Variants in INSC observed in about 807,000 individuals in gnomAD.
INSC encodes INSC spindle orientation adaptor protein.
Under a neutral mutation model 58.6 loss-of-function variants are expected in INSC, and 67 were observed. The observed-to-expected ratio is 1.14, with a 90% CI of 0.94 to 1.40. The LOEUF (loss-of-function observed/expected upper bound fraction) is 1.40. INSC is among the 40% of genes most tolerant of loss of function. The pLI, the probability that INSC is intolerant of heterozygous loss-of-function variation, is 0.00. For synonymous variants in INSC, 262 were observed against 276.1 expected (o/e 0.95, Z 0.51); for missense variants, 714 against 692.0 (o/e 1.03, Z -0.36).
At chr11:15,210,231 T>G (rs1337672297) in intron 7 of INSC, among the ~76,000 whole-genome samples, 1 of 152,222 alleles carries the variant, frequency 6.6e-6, no homozygotes, top group Non-Finnish European at 1.5e-5. Flanking sequence ...CAGGGAAGTT[T>G]TCTAATCCCT....
the INSC span, among the ~76,000 whole-genome samples, chr11:15,265,333 C>T: frequency 6.6e-6 from 1 of 151,944 alleles, no homozygotes; most frequent in Non-Finnish European, 1.5e-5. Flanking sequence ...TAAAGTCATG[C>T]TATCTTCTTA....
At chr11:15,222,047 T>C (rs16931247) in intron 8 of INSC, among the ~76,000 whole-genome samples, 17,241 of 152,054 alleles carry the variant, frequency 0.11, 2,046 homozygotes, top group African/African-American at 0.3. Flanking sequence ...ATGGCAGCAA[T>C]GACTGGGGAA....
intron 2 of INSC, among the ~76,000 whole-genome samples, chr11:15,158,641 T>C (rs1485755275): frequency 1.3e-5 from 2 of 152,148 alleles, no homozygotes; most frequent in East Asian, 3.9e-4. Flanking sequence ...TCTAGAGGCC[T>C]GGGTTTGAGT....
the INSC span, among the ~76,000 whole-genome samples, chr11:15,268,104 C>T: frequency 4.4e-4 from 67 of 152,106 alleles, no homozygotes; most frequent in South Asian, 1.5e-3. Flanking sequence ...TCAGATGGTA[C>T]AATCAGAGGT....
At chr11:15,230,009 ATATAAT>A (rs1317877520) in intron 9 of INSC, among the ~76,000 whole-genome samples, 1 of 26,636 alleles carries the variant, frequency 3.8e-5, no homozygotes, top group Non-Finnish European at 6.0e-5. Flanking sequence ...ATATATATAT[ATATAAT>A]ATATATATAT....
chr11:15,149,660 G>A (rs1396650545), intron 2 of INSC, among the ~76,000 whole-genome samples: 1 of 152,176 alleles, frequency 6.6e-6, no homozygotes, highest in African/African-American at 2.4e-5. Flanking sequence ...CAATGAGGGA[G>A]GGTGGGAAAG....
At chr11:15,190,597 T>C in intron 5 of INSC, 104 bp from the exon 6 acceptor site, 1 of 792,008 alleles carries the variant, frequency 1.3e-6, no homozygotes, top group South Asian at 1.4e-5. Flanking sequence ...AGGAGTAGAT[T>C]CCATGGTTGC....
At chr11:15,243,061 T>C (rs1207649276) in intron 12 of INSC, among the ~76,000 whole-genome samples, 1 of 152,192 alleles carries the variant, frequency 6.6e-6, no homozygotes, top group Non-Finnish European at 1.5e-5. Context: ...TTTTCCAGCA[T>C]TTTGTATATC....
At chr11:15,255,680 A>G in the INSC span, among the ~76,000 whole-genome samples, 1 of 151,902 alleles carries the variant, frequency 6.6e-6, no homozygotes, top group Non-Finnish European at 1.5e-5. Context: ...GCTATCAATA[A>G]CTGATAAAAA....
chr11:15,265,036 G>A, the INSC span, among the ~76,000 whole-genome samples: 36 of 152,178 alleles, frequency 2.4e-4, no homozygotes, highest in African/African-American at 7.7e-4. Context: ...CAGAAAAAAT[G>A]TGACCCAAGA....
intron 8 of INSC, among the ~76,000 whole-genome samples, chr11:15,222,360 T>C (rs556277545): frequency 2.0e-5 from 3 of 152,340 alleles, no homozygotes; most frequent in South Asian, 2.1e-4. Flanking sequence ...TCTGGCACTC[T>C]CTTTGTATCT....
intron 9 of INSC, among the ~76,000 whole-genome samples, chr11:15,232,435 T>C (rs1177932357): frequency 1.3e-5 from 2 of 152,232 alleles, no homozygotes; most frequent in Non-Finnish European, 2.9e-5. Context: ...TATTTACTTA[T>C]TTATTTAGAG....
At chr11:15,192,366 C>T (rs375972479) in intron 6 of INSC, among the ~76,000 whole-genome samples, 2 of 152,238 alleles carry the variant, frequency 1.3e-5, no homozygotes, top group South Asian at 2.1e-4. Flanking sequence ...AAAACTCTTA[C>T]TCAGCATTCC....
chr11:15,171,540 G>C (rs961338007), intron 2 of INSC, among the ~76,000 whole-genome samples: 4 of 152,074 alleles, frequency 2.6e-5, no homozygotes, highest in African/African-American at 9.7e-5. Flanking sequence ...TGCTCTCACT[G>C]TCTTGACAAG....
intron 6 of INSC, among the ~76,000 whole-genome samples, chr11:15,197,211 AAT>A (rs1396868738): frequency 1.3e-5 from 2 of 152,210 alleles, no homozygotes; most frequent in Non-Finnish European, 2.9e-5. Flanking sequence ...CAGATTCCAG[AAT>A]CTTAATCTCA....
chr11:15,242,047 TGGTGAAAATAAA>T (rs1040801894), intron 12 of INSC, among the ~76,000 whole-genome samples: 7 of 152,228 alleles, frequency 4.6e-5, no homozygotes, highest in Non-Finnish European at 8.8e-5. Flanking sequence ...AGTTACAGGT[TGGTGAAAATAAA>T]GATGTAACTT....
At chr11:15,165,629 CTGGTGG>C (rs1849167933) in intron 2 of INSC, among the ~76,000 whole-genome samples, 1 of 152,098 alleles carries the variant, frequency 6.6e-6, no homozygotes, top group Non-Finnish European at 1.5e-5. Flanking sequence ...AGTGGCATGC[CTGGTGG>C]TGGTACCCTG....
intron 1 of INSC, among the ~76,000 whole-genome samples, chr11:15,123,649 A>G (rs1270933971): frequency 6.6e-6 from 1 of 152,180 alleles, no homozygotes; most frequent in Non-Finnish European, 1.5e-5. Context: ...GGTGACAGGT[A>G]CATCTAATTC....
At chr11:15,233,637 T>A (rs1331489514) in intron 9 of INSC, among the ~76,000 whole-genome samples, 3 of 152,216 alleles carry the variant, frequency 2.0e-5, no homozygotes, top group Non-Finnish European at 4.4e-5. Flanking sequence ...CGGCTAATAA[T>A]TACTGTGTAA....
Sources: gnomAD v4.1 joint callset for allele counts (sites outside exome capture counted in the v4.1 genomes callset) on GRCh38, gnomAD v4.1.1 for gene constraint, MANE v1.5 for transcripts, NCBI Gene and HGNC (gene_info 2026-07-23, HGNC 2026-07-21) for gene names.